Variants in ACER2 observed in about 807,000 individuals in gnomAD.
ACER2 encodes alkCDase 2.
Under a neutral mutation model 34.7 loss-of-function variants are expected in ACER2, and 26 were observed. That is an observed-to-expected ratio of 0.75 (90% confidence interval 0.55 to 1.04). ACER2 has a LOEUF of 1.04. Among genes scored for constraint, ACER2 ranks in the 50% least tolerant of loss-of-function variants. ACER2 has a pLI of 0.00. For missense variants in ACER2, 352 were observed against 340.8 expected (o/e 1.03, Z -0.26); for synonymous variants, 138 against 132.1 (o/e 1.04, Z -0.31).
At chr9:19,409,218 C>CA in intron 1 of ACER2, 26 bp downstream of exon 1, 1 of 1,556,908 alleles carries the variant, frequency 6.4e-7, no homozygotes, top group Non-Finnish European at 8.7e-7. Flanking sequence ...GCGGGGAAGG[C>CA]AGGCGGGCCA....
Position 19,450,779 on chromosome 9 carries a change from T to C in ACER2, c.*143T>C. On this transcript the variant is annotated 3_prime_UTR_variant, in exon 6 of 6. Transcript: ENST00000340967. ...TATTTGCTGGGGCTCTTAATTTCTT[T>C]AGTGTTCTTTGTATGTAGGGATTTA... is the stretch of plus-strand genomic sequence containing the variant. 1 of 749,290 alleles carries C rather than the reference T, an allele frequency of 1.3e-6. No individual in the cohort carries two copies. Among genetic ancestry groups the C allele is most frequent in the Non-Finnish European group, 2.0e-6 (1 of 509,002 alleles). The allele number at this position is 749,290 out of a possible 1,614,324, so 46.4% of individuals were successfully genotyped here.
chr9:19,436,980 G>T lies in ACER2; in HGVS notation c.503+1896G>T, dbSNP rs115627289. ...TTCTTCTTTTGGCTTCTCTGATCCTGTGTAATACAGGCTTTCATACCTGAC... is the reference window on the plus strand; with the variant it reads ...TTCTTCTTTTGGCTTCTCTGATCCTTTGTAATACAGGCTTTCATACCTGAC... On this transcript the variant is annotated intron_variant, in intron 4 of 5. Coordinates refer to ENST00000340967, the MANE Select transcript of ACER2 (RefSeq NM_001010887.3). Among the ~76,000 whole-genome samples, 502 of 152,252 alleles carry T rather than the reference G, an allele frequency of 3.3e-3. 1 individual carries two copies. Among genetic ancestry groups the T allele is most frequent in the African/African-American group, 0.012 (479 of 41,530 alleles).
At chr9:19,436,583 C>A (rs995567845) in intron 4 of ACER2, among the ~76,000 whole-genome samples, 9 of 151,490 alleles carry the variant, frequency 5.9e-5, no homozygotes, top group Non-Finnish European at 1.2e-4. Context: ...TAAAAATTAG[C>A]TCATTCTCGT....
chr9:19,448,004 C>CTTTTTTTTTTT (rs557934540), intron 5 of ACER2, among the ~76,000 whole-genome samples: 2 of 109,896 alleles, frequency 1.8e-5, no homozygotes, highest in East Asian at 2.3e-4. Flanking sequence ...ACGATGCAAA[C>CTTTTTTTTTTT]TTTTTTTTTT....
At chr9:19,438,474 G>C (rs534711446) in intron 4 of ACER2, among the ~76,000 whole-genome samples, 3 of 152,330 alleles carry the variant, frequency 2.0e-5, no homozygotes, top group African/African-American at 7.2e-5. Flanking sequence ...GACCTGGAGG[G>C]ACTGGCTCCT....
intron 5 of ACER2, chr9:19,446,747 G>C: frequency 1.6e-6 from 1 of 642,716 alleles, no homozygotes. Context: ...TGGGGGAGGG[G>C]AGAGGTAGGG....
intron 3 of ACER2, among the ~76,000 whole-genome samples, chr9:19,430,591 G>A (rs953793932): frequency 4.3e-4 from 66 of 152,094 alleles, no homozygotes; most frequent in African/African-American, 1.6e-3. Context: ...GGATGTCCTT[G>A]TTGGCCAGCA....
At chr9:19,434,825 C>G (rs1830907486) in intron 3 of ACER2, 122 bp from the exon 4 acceptor site, 1 of 1,294,260 alleles carries the variant, frequency 7.7e-7, no homozygotes, top group Non-Finnish European at 1.1e-6. Flanking sequence ...AACCTTGGTA[C>G]TTAGCGCAGA....
intron 3 of ACER2, among the ~76,000 whole-genome samples, chr9:19,433,301 G>GCCTT (rs1830821860): frequency 6.6e-6 from 1 of 151,886 alleles, no homozygotes; most frequent in Non-Finnish European, 1.5e-5. Flanking sequence ...GGACCCTGCG[G>GCCTT]CCTTCCGCAG....
Position 19,409,136 on chromosome 9 carries a change from G to T in ACER2, c.52G>T (p.Asp18Tyr). 1 of 1,607,188 alleles carries T rather than the reference G, an allele frequency of 6.2e-7. No individual in the cohort carries two copies. Among genetic ancestry groups the T allele is most frequent in the East Asian group, 2.2e-5 (1 of 44,620 alleles). Residue 18 changes from aspartate (D) to tyrosine (Y), a missense_variant, in exon 1 of 6, where the codon GAC becomes TAC. By Grantham distance (160) the Asp-to-Tyr change is radical (BLOSUM62 -3). Transcript: ENST00000340967. ...DQLQAGSSEV[D>Y]WCEDNYTIVP... is the part of the protein sequence containing the mutation. The stretch of plus-strand genomic sequence containing the variant: ...GCTGCAGGCTGGTAGCTCGGAGGTG[G>T]ACTGGTGCGAGGACAACTACACCAT...
chr9:19,432,746 T>C (rs7869763), intron 3 of ACER2, among the ~76,000 whole-genome samples: 35,852 of 147,074 alleles, frequency 0.24, 5,018 homozygotes, highest in African/African-American at 0.39. Flanking sequence ...TATATATAAA[T>C]ATATTTAATT....
chr9:19,412,467 A>G (rs1256741438), intron 1 of ACER2, among the ~76,000 whole-genome samples: 5 of 152,144 alleles, frequency 3.3e-5, no homozygotes, highest in African/African-American at 1.2e-4. Context: ...AACCTGGCCA[A>G]CATGGTGAAA....
rs200512982 is a variant in ACER2 at position 19,427,673 on chromosome 9, TTTC to T, written c.365+2835_365+2837del. ...TTCTCTTCTCTTCTCTTCTCTTTTC[TTTC>T]TTTTCTCTGAGACGGACTGTCTCTC... On this transcript the variant is annotated intron_variant, in intron 3 of 5. Coordinates refer to ENST00000340967, the MANE Select transcript of ACER2 (RefSeq NM_001010887.3). 2.9e-4 allele frequency among the ~76,000 whole-genome samples: 41 copies of T among 142,658 alleles called. No individual in the cohort carries two copies. In the East Asian group the frequency reaches 7.4e-3, roughly 26 times the overall value. The allele number at this position is 142,658 out of a possible 152,430, so 93.6% of individuals were successfully genotyped here.
intron 4 of ACER2, among the ~76,000 whole-genome samples, chr9:19,441,726 T>C (rs768023250): frequency 6.6e-6 from 1 of 152,190 alleles, no homozygotes; most frequent in East Asian, 1.9e-4. Flanking sequence ...CGACTTCACA[T>C]AGGCAGGGAC....
intron 4 of ACER2, 169 bp from the exon 5 acceptor site, chr9:19,446,112 A>G (rs1831350014): frequency 5.1e-6 from 5 of 976,336 alleles, no homozygotes; most frequent in African/African-American, 1.6e-5. Flanking sequence ...CTGTGTACAT[A>G]TGGTATTTAC....
In ACER2 at chr9:19,450,675, C is replaced by A; in HGVS notation, c.*39C>A. 6.7e-7 allele frequency: 1 copy of A among 1,494,744 alleles called. No individual in the cohort carries two copies. The highest frequency in any genetic ancestry group is 9.1e-7 in the Non-Finnish European group (1 of 1,101,986). The allele number at this position is 1,494,744 out of a possible 1,614,324, so 92.6% of individuals were successfully genotyped here. A position where few individuals can be genotyped will look rare whatever the true frequency, so the allele number is the denominator to read the frequency against. On this transcript the variant is annotated 3_prime_UTR_variant, in exon 6 of 6. Coordinates refer to ENST00000340967, the MANE Select transcript of ACER2 (RefSeq NM_001010887.3). ...GCTGGCTTCTCTGCTTATCGCCCCT[C>A]ATGCAGTGGGCTTCCTTTGCTAGGA...
chr9:19,424,906 T>C, intron 3 of ACER2, 65 bp downstream of exon 3: 2 of 1,583,056 alleles, frequency 1.3e-6, no homozygotes, highest in Non-Finnish European at 1.7e-6. Flanking sequence ...ACAATGTATA[T>C]ATGAAGAAAA....
chr9:19,442,521 C>T (rs1035048730), intron 4 of ACER2, among the ~76,000 whole-genome samples: 1 of 152,188 alleles, frequency 6.6e-6, no homozygotes. Flanking sequence ...AGCCTCCCTC[C>T]TGCCTCGTAC....
At chr9:19,436,589 C>G (rs561293412) in intron 4 of ACER2, among the ~76,000 whole-genome samples, 2 of 151,570 alleles carry the variant, frequency 1.3e-5, no homozygotes, top group South Asian at 2.1e-4. Context: ...TTAGCTCATT[C>G]TCGTATGAGT....
Sources: allele counts gnomAD v4.1 joint callset (sites outside exome capture counted in the v4.1 genomes callset), GRCh38; gene constraint gnomAD v4.1.1; transcripts MANE v1.5; gene names NCBI Gene and HGNC (gene_info 2026-07-23, HGNC 2026-07-21).